Variants in ACTR8 observed in about 807,000 individuals in gnomAD.
The protein encoded by ACTR8 is actin related protein 8.
In ACTR8, 70 loss-of-function variants were observed where a neutral mutation model predicts 84.3. The observed-to-expected ratio is 0.83, with a 90% CI of 0.68 to 1.01. The LOEUF (loss-of-function observed/expected upper bound fraction) is 1.01, where lower values mean the gene tolerates loss of function less well. ACTR8 is among the 50% of genes least tolerant of loss of function. The pLI is 0.00. For missense variants in ACTR8, 672 were observed against 775.4 expected, an observed-to-expected ratio of 0.87 and a Z score of 1.58; for synonymous variants, 268 against 275.2, an observed-to-expected ratio of 0.97 and a Z score of 0.26.
At position 53,881,862 on chromosome 3, in the gene ACTR8, C is replaced by T. The variant is rs201810488; in HGVS notation, c.123+117G>A. The stretch of plus-strand genomic sequence containing the variant: ...AAGAACGACCGCTTCCGCACTCCCC[C>T]CACCAGGGGCTGGGGCCTGCAAGGG... On this transcript the variant is annotated intron_variant, in intron 1 of 12. Coordinates refer to ENST00000335754, the MANE Select transcript of ACTR8 (RefSeq NM_022899.5). 2.7e-6 allele frequency: 4 copies of T among 1,466,170 alleles called. No homozygotes were observed. In the East Asian group the frequency reaches 7.6e-5, roughly 28 times the overall value. The allele number at this position is 1,466,170 out of a possible 1,614,324, so 90.8% of individuals were successfully genotyped here.
chr3:53,877,293 G>GT lies in ACTR8; in HGVS notation c.604dup (p.Thr202AsnfsTer8), dbSNP rs765625477. 1.2e-5 allele frequency: 20 copies of GT among 1,613,988 alleles called. No homozygotes were observed. Among genetic ancestry groups the GT allele is most frequent in the Non-Finnish European group, 1.6e-5 (19 of 1,179,968 alleles). ...TACTTCAATATCTGCCAGAACAGCT[G>GT]TAAGAGAGCCCCCAGGGCCTGGGTG... On this transcript the variant is annotated frameshift_variant, in exon 5 of 13. Coordinates refer to ENST00000335754, the MANE Select transcript of ACTR8 (RefSeq NM_022899.5). LOFTEE classifies it high-confidence loss of function.
At chr3:53,869,817 G>A (rs112256523) in intron 12 of ACTR8, among the ~76,000 whole-genome samples, 165 bp downstream of exon 12, 1 of 152,066 alleles carries the variant, frequency 6.6e-6, no homozygotes, top group Non-Finnish European at 1.5e-5. Flanking sequence ...TTAGGCCAGA[G>A]CACCTTCCAC....
At chr3:53,865,256 T>C (rs762876532), downstream of ACTR8, 39 of 1,611,932 alleles carry the variant, frequency 2.4e-5, no homozygotes, top group Non-Finnish European at 3.0e-5. Context: ...AAGCAGCAGG[T>C]GTCAGCAGGA....
Position 53,870,222 on chromosome 3 carries a change from C to T in ACTR8, c.1568-77G>A. 1 of 1,536,750 alleles carries T rather than the reference C, an allele frequency of 6.5e-7. No homozygotes were observed. Among genetic ancestry groups the T allele is most frequent in the Non-Finnish European group, 8.9e-7 (1 of 1,128,504 alleles). On this transcript the variant is annotated intron_variant, in intron 11 of 12. Transcript: ENST00000335754. This position sits in a 1 kb window ranked among gnomAD's most constrained non-coding sequence, Gnocchi z 4.1. ...TAGGCCAAGCCACCAACACCTCTTG[C>T]TTGAGCAAGTGCAATAGCCTTCTCA...
intron 1 of ACTR8, 115 bp downstream of exon 1, chr3:53,881,864 A>AGGGG (rs1700067623): frequency 6.7e-7 from 1 of 1,482,542 alleles, no homozygotes; most frequent in South Asian, 1.2e-5. Flanking sequence ...CACTCCCCCC[A>AGGGG]CCAGGGGCTG....
At chr3:53,865,015 G>A (rs769401500), downstream of ACTR8, 6 of 1,614,180 alleles carry the variant, frequency 3.7e-6, no homozygotes, top group Non-Finnish European at 5.1e-6. Flanking sequence ...TGTGTGCGAT[G>A]GTACCTGTGG....
chr3:53,865,403 A>G, downstream of ACTR8: 1 of 925,650 alleles, frequency 1.1e-6, no homozygotes, highest in Non-Finnish European at 1.6e-6. Flanking sequence ...TATGCAGCCT[A>G]CAAACAGCCT....
At chr3:53,874,525 G>A (rs558623588) in intron 7 of ACTR8, among the ~76,000 whole-genome samples, 161 bp from the exon 8 acceptor site, 7 of 152,094 alleles carry the variant, frequency 4.6e-5, no homozygotes, top group Non-Finnish European at 1.0e-4. Context: ...AGGAGTTCAA[G>A]ACCAGCTGGC....
At chr3:53,875,083 C>T (rs1474593520) in intron 7 of ACTR8, among the ~76,000 whole-genome samples, 1 of 152,176 alleles carries the variant, frequency 6.6e-6, no homozygotes, top group South Asian at 2.1e-4. Context: ...AAGGTTTCTA[C>T]AATTTGGGAA....
chr3:53,871,527 G>T (rs766531804), intron 10 of ACTR8, 31 bp from the exon 11 acceptor site: 2 of 1,610,682 alleles, frequency 1.2e-6, no homozygotes, highest in East Asian at 4.5e-5. Context: ...CAAGTATGTG[G>T]TATTACAACA....
At chr3:53,881,739 T>C (rs567375278) in intron 1 of ACTR8, 3 of 615,158 alleles carry the variant, frequency 4.9e-6, no homozygotes, top group South Asian at 2.0e-5. Context: ...CGGTGGGGCG[T>C]GCGGGAGATC....
intron 7 of ACTR8, among the ~76,000 whole-genome samples, chr3:53,875,562 T>C (rs936294689): frequency 1.3e-5 from 2 of 152,234 alleles, no homozygotes; most frequent in African/African-American, 4.8e-5. Context: ...AGAATTCAGA[T>C]TGAAAAGGTC....
chr3:53,873,802 T>C (rs553956703), intron 8 of ACTR8, among the ~76,000 whole-genome samples: 1 of 152,304 alleles, frequency 6.6e-6, no homozygotes, highest in Admixed American at 6.5e-5. Flanking sequence ...AAAGGCATTA[T>C]AATGCTGTTA....
At position 53,875,954 on chromosome 3, in the gene ACTR8, T is replaced by G. The variant is rs1214562487; in HGVS notation, c.905A>C (p.Asn302Thr). The G allele has an allele frequency of 6.2e-7, 1 of 1,614,092 alleles. No individual in the cohort carries two copies. Among genetic ancestry groups the G allele is most frequent in the Non-Finnish European group, 8.5e-7 (1 of 1,180,042 alleles). Reference sequence around the variant, plus strand: ...CACCTTCCAAGTTCCTTACCGAGTATTCCGATGAGACACCCCATCCTCCAC... The same window carrying G: ...CACCTTCCAAGTTCCTTACCGAGTAGTCCGATGAGACACCCCATCCTCCAC... ...CCVEDGVSHR[N>T]TRLCLAYGGS... The change falls in exon 7 of 13, where the codon AAT becomes ACT. Residue 302 changes from asparagine (N) to threonine (T), a missense_variant. Coordinates refer to ENST00000335754, the MANE Select transcript of ACTR8 (RefSeq NM_022899.5).
chr3:53,880,139 T>C lies in ACTR8; in HGVS notation c.124-30A>G, dbSNP rs755729702. On this transcript the variant is annotated intron_variant, in intron 1 of 12. Transcript: ENST00000335754. ...AGATATAAAACATAGATGTGTGACT[T>C]TGTAAATAATATGCAGGTAACAAAG... 13 of 1,594,738 alleles carry C rather than the reference T, an allele frequency of 8.2e-6. No homozygotes were observed. In the South Asian group the frequency reaches 1.3e-4, roughly 16 times the overall value.
intron 1 of ACTR8, 144 bp downstream of exon 1, chr3:53,881,835 A>C: frequency 1.5e-6 from 2 of 1,367,020 alleles, no homozygotes; most frequent in South Asian, 1.3e-5. Flanking sequence ...CACCACCCGG[A>C]AAAGAACGAC....
At chr3:53,877,783 A>C in intron 3 of ACTR8, 32 bp from the exon 4 acceptor site, 19 of 1,585,940 alleles carry the variant, frequency 1.2e-5, no homozygotes, top group Non-Finnish European at 1.6e-5. Context: ...AAATTATCTC[A>C]ATTTATTCAA....
downstream of ACTR8, among the ~76,000 whole-genome samples, chr3:53,862,495 C>A (rs1010364561): frequency 1.3e-5 from 2 of 152,140 alleles, no homozygotes; most frequent in Non-Finnish European, 2.9e-5. Context: ...ACAGGATTTA[C>A]AACAGAGCCA....
At position 53,877,755 on chromosome 3, in the gene ACTR8, A is replaced by C. The variant is rs1293153737; in HGVS notation, c.406-4T>G. 1 of 1,613,006 alleles carries C rather than the reference A, an allele frequency of 6.2e-7. No homozygotes were observed. Among genetic ancestry groups the C allele is most frequent in the East Asian group, 2.2e-5 (1 of 44,870 alleles). ...TCTGCTTATTGTAGGAGCGTGCCTG[A>C]AAAGAAAAACCATCAGAAAATTATC... On this transcript the variant is annotated splice_polypyrimidine_tract_variant and splice_region_variant and intron_variant, in intron 3 of 12. Coordinates refer to ENST00000335754, the MANE Select transcript of ACTR8 (RefSeq NM_022899.5).
Sources: gnomAD v4.1 joint callset for allele counts (sites outside exome capture counted in the v4.1 genomes callset) on GRCh38, gnomAD v4.1.1 for gene constraint, Gnocchi (gnomAD v3.1) non-coding constraint, MANE v1.5 for transcripts, NCBI Gene and HGNC (gene_info 2026-07-23, HGNC 2026-07-21) for gene names.